The following SHANK1 variants were observed in gnomAD, a reference collection of about 807,000 sequenced individuals.
SHANK1 encodes the protein SH3 and multiple ankyrin repeat domains protein 1.
In SHANK1, 35 loss-of-function variants were observed where a neutral mutation model predicts 165.6. The observed-to-expected ratio is 0.21, with a 90% CI of 0.16 to 0.28. The LOEUF is 0.28. Among genes scored for constraint, SHANK1 ranks in the 10% least tolerant of loss-of-function variants. The pLI is 1.00. For missense variants in SHANK1, 2,681 were observed against 3,036.4 expected (o/e 0.88, Z 2.75); for synonymous variants, 1,428 against 1,384.8 (o/e 1.03, Z -0.69).
rs538674637 is a variant in SHANK1 at position 50,689,483 on chromosome 19, T to C, written c.1965-204A>G. ...TCCCCCTCAGAGCCGGCATGCTCTC[T>C]CTCTCACTCCCTCTCTCCTCATTCA... is the stretch of plus-strand genomic sequence containing the variant. On this transcript the variant is annotated intron_variant, in intron 15 of 23. Coordinates refer to ENST00000293441, the MANE Select transcript of SHANK1 (RefSeq NM_016148.5). 987 of 690,606 alleles carry C rather than the reference T, an allele frequency of 1.4e-3. 9 individuals are homozygous for C. Among genetic ancestry groups the C allele is most frequent in the South Asian group, 6.2e-3 (394 of 64,054 alleles). The allele number at this position is 690,606 out of a possible 1,614,324, so 42.8% of individuals were successfully genotyped here.
At chr19:50,684,239 T>TTTG (rs1377924573) in intron 21 of SHANK1, among the ~76,000 whole-genome samples, 1 of 151,924 alleles carries the variant, frequency 6.6e-6, no homozygotes, top group African/African-American at 2.4e-5. Flanking sequence ...GTTTTTTTTT[T>TTTG]TTTGAGACAG....
chr19:50,698,337 C>T (rs1403498902), intron 12 of SHANK1, among the ~76,000 whole-genome samples: 2 of 152,148 alleles, frequency 1.3e-5, no homozygotes, highest in Non-Finnish European at 2.9e-5. Context: ...TTCTACCTCA[C>T]CCTCCCATCA....
At chr19:50,678,033 C>G (rs1986034912) in intron 21 of SHANK1, among the ~76,000 whole-genome samples, 2 of 152,216 alleles carry the variant, frequency 1.3e-5, no homozygotes, top group African/African-American at 2.4e-5. Flanking sequence ...AGGAGACACT[C>G]TTGTGTGAGC....
At chr19:50,692,673 T>C (rs1386931570) in intron 15 of SHANK1, among the ~76,000 whole-genome samples, 1 of 151,312 alleles carries the variant, frequency 6.6e-6, no homozygotes, top group Non-Finnish European at 1.5e-5. Context: ...TCCTTGAACT[T>C]CCCAACTGCT....
intron 15 of SHANK1, among the ~76,000 whole-genome samples, chr19:50,691,065 G>T (rs144815326): frequency 6.6e-6 from 1 of 152,002 alleles, no homozygotes; most frequent in African/African-American, 2.4e-5. Context: ...CTCAAAGTTC[G>T]TAACAGTCCA....
chr19:50,659,468 G>GA lies in SHANK1; in HGVS notation c.*2496dup, dbSNP rs1427101962. ...CCTTGAGGGATGAACTGAAGCCCGC[G>GA]AAAGGGAAGACCTGGGCACCGGGGC... On this transcript the variant is annotated 3_prime_UTR_variant, in exon 24 of 24. Coordinates refer to ENST00000293441, the MANE Select transcript of SHANK1 (RefSeq NM_016148.5). Among the ~76,000 whole-genome samples, 2 of 151,834 alleles carry GA rather than the reference G, an allele frequency of 1.3e-5. No homozygotes were observed. The highest frequency in any genetic ancestry group is 4.8e-5 in the African/African-American group (2 of 41,352).
At chr19:50,695,079 GGCCGCCCCCGCC>G (rs960610696) in intron 15 of SHANK1, among the ~76,000 whole-genome samples, 1 of 145,948 alleles carries the variant, frequency 6.9e-6, no homozygotes, top group African/African-American at 2.5e-5. Context: ...TCCCGGTGCC[GGCCGCCCCCGCC>G]GCCGCCGCCG....
intron 8 of SHANK1, among the ~76,000 whole-genome samples, chr19:50,710,069 A>C (rs1368806223): frequency 6.6e-6 from 1 of 151,974 alleles, no homozygotes; most frequent in African/African-American, 2.4e-5. Context: ...AAAGAGGGGG[A>C]GGGACTTGTT....
chr19:50,679,107 GTGGGGAGGGGTCAGGGTGA>G (rs1414744605), intron 21 of SHANK1, among the ~76,000 whole-genome samples: 1 of 26,328 alleles, frequency 3.8e-5, no homozygotes, highest in African/African-American at 1.1e-4. Flanking sequence ...GGGTCAGGGT[GTGGGGAGGGGTCAGGGTGA>G]TGGGGAGGGG....
intron 8 of SHANK1, among the ~76,000 whole-genome samples, chr19:50,707,901 CTTTTCTTTTCTTTTCTTTTCTTTTCTTTT>C (rs1232466855): frequency 1.5e-4 from 3 of 20,230 alleles, no homozygotes; most frequent in African/African-American, 8.2e-4. Flanking sequence ...CTTTTCTTTT[CTTTTCTTTTCTTTTCTTTTCTTTTCTTTT>C]CTTTTCTTTT....
Position 50,717,406 on chromosome 19 carries a change from C to T in SHANK1, c.-43-444G>A, listed in dbSNP as rs1364336488. ...CCAGCCTGGCCCCTCATCCCAGGGC[C>T]GGGGGGTGGGGTTGGGGAGAAGCTG... On this transcript the variant is annotated intron_variant, in intron 1 of 23. Coordinates refer to ENST00000293441, the MANE Select transcript of SHANK1 (RefSeq NM_016148.5). The surrounding 1 kb of genome is among the most constrained non-coding windows in gnomAD (Gnocchi z 5.5). Among the ~76,000 whole-genome samples the T allele has an allele frequency of 3.3e-5, 5 of 152,078 alleles. No homozygotes were observed. The highest frequency in any genetic ancestry group is 2.6e-4 in the Admixed American group (4 of 15,262).
Position 50,661,913 on chromosome 19 carries a change from G to A in SHANK1, c.*52C>T. On this transcript the variant is annotated 3_prime_UTR_variant, in exon 24 of 24. Coordinates refer to ENST00000293441, the MANE Select transcript of SHANK1 (RefSeq NM_016148.5). ...ACAGTCAGGGGTCAGAGGTCAAGAGGCCAGCAGGCTCAAGAGTTCTGTGGA... is the reference window on the plus strand; with the variant it reads ...ACAGTCAGGGGTCAGAGGTCAAGAGACCAGCAGGCTCAAGAGTTCTGTGGA... 1 of 1,598,318 alleles carries A rather than the reference G, an allele frequency of 6.3e-7. No homozygotes were observed. The highest frequency in any genetic ancestry group is 8.6e-7 in the Non-Finnish European group (1 of 1,167,704).
chr19:50,666,541 G>A lies in SHANK1; in HGVS notation c.5419C>T (p.Pro1807Ser). 1 of 1,596,338 alleles carries A rather than the reference G, an allele frequency of 6.3e-7. No homozygotes were observed. The highest frequency in any genetic ancestry group is 8.5e-7 in the Non-Finnish European group (1 of 1,173,922). The change falls in exon 23 of 24, where the codon CCC (proline) becomes TCC (serine). Residue 1807 changes from proline (P) to serine (S), a missense_variant. Physicochemically the swap from Pro to Ser is moderately conservative, Grantham distance 74. Transcript: ENST00000293441. ...LLALRACSGP[P>S]TAGVAGGPVA... ...GGACCCCCCGCCACGCCTGCCGTGG[G>A]GGGTCCTGAACAAGCACGCAGGGCC...
chr19:50,697,850 G>A lies in SHANK1; in HGVS notation c.1854C>T (p.Ser618=). The stretch of plus-strand genomic sequence containing the variant: ...CTGGGGGTTCCGCATTACCTTGCTT[G>A]CTCTCCTGAGAGCGATTCGCCACTT... ...LEEVANRSQE[S]KQESRSDKAK... The change falls in exon 13 of 24, where the codon AGC becomes AGT. Residue 618 remains serine (S), a synonymous_variant. Coordinates refer to ENST00000293441, the MANE Select transcript of SHANK1 (RefSeq NM_016148.5). This position sits in a 1 kb window ranked among gnomAD's most constrained non-coding sequence, Gnocchi z 4.7. The A allele has an allele frequency of 6.2e-7, 1 of 1,613,068 alleles. No homozygotes were observed. Among genetic ancestry groups the A allele is most frequent in the South Asian group, 1.1e-5 (1 of 91,064 alleles).
At position 50,666,681 on chromosome 19, in the gene SHANK1, C is replaced by G; in HGVS notation, c.5279G>C (p.Arg1760Pro). 1 of 1,585,326 alleles carries G rather than the reference C, an allele frequency of 6.3e-7. No homozygotes were observed. The highest frequency in any genetic ancestry group is 8.6e-7 in the Non-Finnish European group (1 of 1,168,616). ...QLMTPSKLRGRALGASGGLRP... is the reference protein window; with the variant it reads ...QLMTPSKLRGPALGASGGLRP... ...CAGGCCTCCGCTGGCTCCTAGCGCC[C>G]GGCCCCGGAGCTTAGAGGGAGTCAT... Residue 1760 changes from arginine (R) to proline (P), a missense_variant, in exon 23 of 24, where the codon CGG becomes CCG. Physicochemically the swap from Arg to Pro is moderately radical, Grantham distance 103. This residue lies in a region of SHANK1 where 1,713 missense variants were observed against 1,630.2 expected (regional missense o/e 1.05). Transcript: ENST00000293441.
chr19:50,682,872 T>C (rs1986219660), intron 21 of SHANK1, among the ~76,000 whole-genome samples: 2 of 152,100 alleles, frequency 1.3e-5, no homozygotes, highest in African/African-American at 4.8e-5. Flanking sequence ...GTTGCCCAGG[T>C]GGGAGTGCAG....
At chr19:50,687,019 CTCT>C (rs769427558) in intron 19 of SHANK1, 34 of 1,487,092 alleles carry the variant, frequency 2.3e-5, no homozygotes, top group Admixed American at 7.4e-5. Context: ...CCACTCACCA[CTCT>C]TCTTCTTCCA....
intron 15 of SHANK1, among the ~76,000 whole-genome samples, chr19:50,696,431 A>AT (rs1255995286): frequency 8.6e-6 from 1 of 116,330 alleles, no homozygotes; most frequent in Non-Finnish European, 1.8e-5. Flanking sequence ...TCCCCGACCC[A>AT]TCCCCACTGG....
At chr19:50,709,655 T>A (rs1390283504) in intron 8 of SHANK1, among the ~76,000 whole-genome samples, 1 of 152,062 alleles carries the variant, frequency 6.6e-6, no homozygotes, top group East Asian at 1.9e-4. Flanking sequence ...GCTCAAGCAA[T>A]CCTTCTGCCT....
Sources: gnomAD v4.1 joint callset for allele counts (sites outside exome capture counted in the v4.1 genomes callset) on GRCh38, gnomAD v4.1.1 for gene constraint, gnomAD v4.1.1 regional missense constraint, Gnocchi (gnomAD v3.1) non-coding constraint, MANE v1.5 for transcripts, NCBI Gene and HGNC (gene_info 2026-07-23, HGNC 2026-07-21) for gene names.